Variants in GAB2 observed in about 807,000 individuals in gnomAD.
GAB2 encodes GRB2 associated binding protein 2.
A neutral mutation model predicts 65.5 loss-of-function variants in GAB2; 26 were observed. That is an observed-to-expected ratio of 0.40 (90% CI 0.29 to 0.55). GAB2 has a LOEUF of 0.55. Ranked by LOEUF, GAB2 falls within the 20% of genes least tolerant of loss-of-function variation. The probability of loss-of-function intolerance (pLI) is 0.53; values close to 1 mark genes in which losing one functional copy is unlikely to be tolerated. For synonymous variants in GAB2, 321 were observed against 329.6 expected (o/e 0.97, Z 0.28); for missense variants, 884 against 875.8 (o/e 1.01, Z -0.12).
At chr11:78,320,615 G>T (rs1303289041) in intron 1 of GAB2, among the ~76,000 whole-genome samples, 1 of 151,836 alleles carries the variant, frequency 6.6e-6, no homozygotes, top group Non-Finnish European at 1.5e-5. Context: ...TTGAGACAAG[G>T]TCTCACTCTG....
In GAB2 at chr11:78,217,574, G is replaced by C. The variant is rs894677230; in HGVS notation, c.*1698C>G. 15 of 152,148 alleles carry C rather than the reference G, an allele frequency of 9.9e-5. No homozygotes were observed. Among genetic ancestry groups the C allele is most frequent in the African/African-American group, 3.4e-4 (14 of 41,424 alleles). The allele number at this position is 152,148 out of a possible 1,614,324, so 9.4% of individuals were successfully genotyped here. A position where few individuals can be genotyped will look rare whatever the true frequency, so the allele number is the denominator to read the frequency against. The stretch of plus-strand genomic sequence containing the variant: ...GAGGAAGAAGTTCTGTTCGCCCCAG[G>C]GTAGAATGAAACGTCTGGTCTGTCC... On this transcript the variant is annotated 3_prime_UTR_variant, in exon 10 of 10. Transcript: ENST00000361507.
At chr11:78,222,048 A>G in intron 7 of GAB2, 57 bp downstream of exon 7, 1 of 1,091,220 alleles carries the variant, frequency 9.2e-7, no homozygotes, top group Non-Finnish European at 1.4e-6. Context: ...CTACCACATC[A>G]CTCATTTTCC....
intron 2 of GAB2, among the ~76,000 whole-genome samples, chr11:78,273,783 A>T (rs955686079): frequency 4.6e-5 from 7 of 152,172 alleles, no homozygotes; most frequent in African/African-American, 1.7e-4. Context: ...GGATTCCCAC[A>T]TGTTGTTGGA....
At chr11:78,385,733 A>G (rs1856757580) in intron 1 of GAB2, among the ~76,000 whole-genome samples, 1 of 152,226 alleles carries the variant, frequency 6.6e-6, no homozygotes, top group Non-Finnish European at 1.5e-5. Context: ...CAATGTCTCC[A>G]AACTGAGGAA....
chr11:78,405,301 T>C (rs113572709), intron 1 of GAB2, among the ~76,000 whole-genome samples: 2 of 152,156 alleles, frequency 1.3e-5, no homozygotes, highest in Admixed American at 6.5e-5. Flanking sequence ...GGTTTCGCTG[T>C]GTTAGCCAGG....
At chr11:78,416,059 G>A (rs890565835) in intron 1 of GAB2, among the ~76,000 whole-genome samples, 1 of 149,462 alleles carries the variant, frequency 6.7e-6, no homozygotes, top group African/African-American at 2.5e-5. Flanking sequence ...TTATAAAATT[G>A]TTAATAGTAA....
At chr11:78,402,178 T>G (rs1856981604) in intron 1 of GAB2, among the ~76,000 whole-genome samples, 1 of 152,306 alleles carries the variant, frequency 6.6e-6, no homozygotes, top group Admixed American at 6.5e-5. Context: ...TTAGTGTCCT[T>G]GCACACACTG....
chr11:78,409,146 T>G (rs547887559), intron 1 of GAB2, among the ~76,000 whole-genome samples: 5 of 152,142 alleles, frequency 3.3e-5, no homozygotes, highest in African/African-American at 1.2e-4. Context: ...CTATAATATA[T>G]CAAGTAGCCC....
At chr11:78,394,393 C>T (rs193143931) in intron 1 of GAB2, among the ~76,000 whole-genome samples, 14 of 152,294 alleles carry the variant, frequency 9.2e-5, no homozygotes, top group African/African-American at 3.4e-4. Context: ...AAAAGAAGAG[C>T]AGAGATAAGA....
chr11:78,248,329 T>C (rs906536727), intron 3 of GAB2, among the ~76,000 whole-genome samples: 3 of 152,282 alleles, frequency 2.0e-5, no homozygotes, highest in African/African-American at 7.2e-5. Context: ...GGAGTGGTGG[T>C]GGCGGCAATT....
At chr11:78,346,208 G>A (rs575187847) in intron 1 of GAB2, among the ~76,000 whole-genome samples, 145 of 152,136 alleles carry the variant, frequency 9.5e-4, no homozygotes, top group African/African-American at 3.3e-3. Flanking sequence ...CAAACTGCCC[G>A]GATTAGCCAA....
intron 1 of GAB2, among the ~76,000 whole-genome samples, chr11:78,291,471 CAA>C (rs555665523): frequency 5.2e-5 from 5 of 95,312 alleles, no homozygotes; most frequent in Non-Finnish European, 4.2e-5. Context: ...GTCTCTGTCT[CAA>C]AAAAAAAAAA....
chr11:78,305,471 A>C (rs948528896), intron 1 of GAB2, among the ~76,000 whole-genome samples: 26 of 152,288 alleles, frequency 1.7e-4, no homozygotes, highest in African/African-American at 5.5e-4. Flanking sequence ...CACAGAGGGG[A>C]GGTGGCACAG....
At chr11:78,349,864 G>A (rs1300523424) in intron 1 of GAB2, among the ~76,000 whole-genome samples, 1 of 151,226 alleles carries the variant, frequency 6.6e-6, no homozygotes, top group Non-Finnish European at 1.5e-5. Context: ...TGGTTTCCCA[G>A]AGTAAAAATG....
intron 1 of GAB2, among the ~76,000 whole-genome samples, chr11:78,315,805 T>C (rs1230290231): frequency 6.6e-6 from 1 of 152,180 alleles, no homozygotes; most frequent in African/African-American, 2.4e-5. Flanking sequence ...AGGTGTCAAC[T>C]TGATTGGATT....
rs115312300 is a variant in GAB2, at chr11:78,220,406, C to T, written c.1800G>A (p.Thr600=). 1.5e-4 allele frequency: 239 copies of T among 1,596,670 alleles called. No individual in the cohort carries two copies. The African/African-American group carries it at 2.7e-3, about 18-fold the overall frequency. ...TGCTCTTCTTAGGGGCAGGACTGTT[C>T]GTGCCACTGGGAACGGGAGATGCAG... ...PVSASPVPSG[T]NSPAPKKSTG... Residue 600 remains threonine (T), a synonymous_variant, in exon 9 of 10, where the codon ACG becomes ACA. Coordinates refer to ENST00000361507, the MANE Select transcript of GAB2 (RefSeq NM_080491.3).
At chr11:78,251,002 C>G (rs78484624) in intron 2 of GAB2, among the ~76,000 whole-genome samples, 1 of 151,932 alleles carries the variant, frequency 6.6e-6, no homozygotes, top group African/African-American at 2.4e-5. Flanking sequence ...CTATGGGGTA[C>G]AATGCTATTT....
intron 1 of GAB2, among the ~76,000 whole-genome samples, chr11:78,329,597 C>T (rs1015150118): frequency 6.6e-6 from 1 of 152,108 alleles, no homozygotes; most frequent in East Asian, 1.9e-4. Context: ...CCTAGGTACT[C>T]AACAAGTACA....
intron 1 of GAB2, among the ~76,000 whole-genome samples, chr11:78,352,859 A>G (rs1304421206): frequency 6.6e-6 from 1 of 152,220 alleles, no homozygotes; most frequent in Admixed American, 6.5e-5. Flanking sequence ...TTAAGTCACT[A>G]TTAGTCAGAT....
Sources: gnomAD v4.1 joint callset for allele counts (sites outside exome capture counted in the v4.1 genomes callset) on GRCh38, gnomAD v4.1.1 for gene constraint, MANE v1.5 for transcripts, NCBI Gene and HGNC (gene_info 2026-07-23, HGNC 2026-07-21) for gene names.